TRIM46: variants seen among roughly 807,000 people sequenced by gnomAD.
TRIM46 encodes the protein tripartite motif-containing protein 46.
TRIM46 carries 17 observed loss-of-function variants against 69.7 expected under a neutral mutation model. That is an observed-to-expected ratio of 0.24 (90% CI 0.17 to 0.37). TRIM46 has a LOEUF of 0.37. Ranked by LOEUF, TRIM46 falls within the 10% of genes least tolerant of loss-of-function variation. TRIM46 has a pLI of 1.00. For missense variants in TRIM46, 675 were observed against 1,025.1 expected (o/e 0.66, Z 4.66); for synonymous variants, 391 against 429.0 (o/e 0.91, Z 1.09).
In TRIM46 at chr1:155,184,306, C is replaced by T; in HGVS notation, c.*116C>T. Reference sequence around the variant, plus strand: ...TCCCCCAAACTCTCCTACCATGTGGCCCTGCTCCTTCTCCCGTGTCTGTCT... The same window carrying T: ...TCCCCCAAACTCTCCTACCATGTGGTCCTGCTCCTTCTCCCGTGTCTGTCT... On this transcript the variant is annotated 3_prime_UTR_variant, in exon 10 of 10. Coordinates refer to ENST00000334634, the MANE Select transcript of TRIM46 (RefSeq NM_025058.5). This position sits in a 1 kb window ranked among gnomAD's most constrained non-coding sequence, Gnocchi z 5.6. 8.8e-7 allele frequency: 1 copy of T among 1,133,460 alleles called. No individual in the cohort carries two copies. Among genetic ancestry groups the T allele is most frequent in the Non-Finnish European group, 1.2e-6 (1 of 823,296 alleles). The allele number at this position is 1,133,460 out of a possible 1,614,324, so 70.2% of individuals were successfully genotyped here.
rs775737797 is a variant in TRIM46, at chr1:155,180,318, C to T, written c.1588+384C>T. The T allele has an allele frequency of 6.5e-4, 205 of 314,684 alleles. 1 individual carries two copies. The highest frequency in any genetic ancestry group is 8.9e-4 in the Non-Finnish European group (154 of 173,082). 19.5% of individuals were successfully genotyped at this position (314,684 alleles called of 1,614,324 possible). ...CCGATCTCTAAAAAAATAAATAGGCCAGGCGAGGTAGCTCATGCCTGTAAT... is the reference window on the plus strand; with the variant it reads ...CCGATCTCTAAAAAAATAAATAGGCTAGGCGAGGTAGCTCATGCCTGTAAT... On this transcript the variant is annotated intron_variant, in intron 8 of 9. Transcript: ENST00000334634.
intron 8 of TRIM46, chr1:155,180,294 C>T (rs1013231646): frequency 5.7e-5 from 19 of 334,800 alleles, no homozygotes; most frequent in Non-Finnish European, 8.1e-5. Context: ...CAGCGAGACC[C>T]GATCTCTAAA....
At chr1:155,174,780 C>T (rs1272094571) in intron 1 of TRIM46, 1 of 1,449,376 alleles carries the variant, frequency 6.9e-7, no homozygotes, top group Non-Finnish European at 9.1e-7. Context: ...TGCCGCTGAC[C>T]GGGTTGCGCT....
chr1:155,180,510 G>A (rs1409875391), intron 8 of TRIM46: 7 of 387,666 alleles, frequency 1.8e-5, no homozygotes, highest in Admixed American at 1.3e-4. Flanking sequence ...TAGGAGAATC[G>A]CTTGAACCTG....
At position 155,181,784 on chromosome 1, in the gene TRIM46, C is replaced by A. The variant is rs1666190678; in HGVS notation, c.1589-68C>A. 2 of 1,539,944 alleles carry A rather than the reference C, an allele frequency of 1.3e-6. No homozygotes were observed. The highest frequency in any genetic ancestry group is 2.5e-5 in the South Asian group (2 of 80,608). On this transcript the variant is annotated intron_variant, in intron 8 of 9. Transcript: ENST00000334634. This position sits in a 1 kb window ranked among gnomAD's most constrained non-coding sequence, Gnocchi z 4.3. ...CAACGCGTTCCCTGTTCTGCAGTCTCACAGCCCCCAGTGCCAGTGTTTGTC... is the reference window on the plus strand; with the variant it reads ...CAACGCGTTCCCTGTTCTGCAGTCTAACAGCCCCCAGTGCCAGTGTTTGTC...
At chr1:155,178,739 T>TTGGGGC in intron 7 of TRIM46, 126 bp downstream of exon 7, 17 of 1,348,406 alleles carry the variant, frequency 1.3e-5, no homozygotes, top group East Asian at 2.5e-5. Context: ...CAGCCATTCC[T>TTGGGGC]CCCACCCAGC....
rs1473778250 is a variant in TRIM46, at chr1:155,184,419, C to G, written c.*229C>G. ...CTCTCCATTGCTTGTTAGCCAGGCC[C>G]CCACCCCCACTGAGTCTGCCCTATG... On this transcript the variant is annotated 3_prime_UTR_variant, in exon 10 of 10. Coordinates refer to ENST00000334634, the MANE Select transcript of TRIM46 (RefSeq NM_025058.5). This position sits in a 1 kb window ranked among gnomAD's most constrained non-coding sequence, Gnocchi z 5.6. 3.6e-6 allele frequency: 2 copies of G among 559,764 alleles called. No individual in the cohort carries two copies. Among genetic ancestry groups the G allele is most frequent in the East Asian group, 6.2e-5 (2 of 32,462 alleles). 34.7% of individuals were successfully genotyped at this position (559,764 alleles called of 1,614,324 possible).
intron 8 of TRIM46, 136 bp downstream of exon 8, chr1:155,180,070 A>T: frequency 4.8e-6 from 5 of 1,047,368 alleles, no homozygotes; most frequent in Non-Finnish European, 6.7e-6. Flanking sequence ...CTGGAGCTAG[A>T]CTGCTTGGGT....
chr1:155,178,939 C>T (rs1212287540), intron 7 of TRIM46: 9 of 934,562 alleles, frequency 9.6e-6, no homozygotes, highest in Non-Finnish European at 1.4e-5. Context: ...CCACTCATTG[C>T]TTCCTTCTCT....
chr1:155,182,296 AGGCCTGTGTCCAGGAGAC>A, intron 9 of TRIM46, 147 bp downstream of exon 9: 12 of 944,290 alleles, frequency 1.3e-5, no homozygotes, highest in Non-Finnish European at 1.7e-5. Flanking sequence ...CCAGGCTGGG[AGGCCTGTGTCCAGGAGAC>A]GCATGGGCTC....
intron 9 of TRIM46, among the ~76,000 whole-genome samples, chr1:155,183,256 C>G: frequency 6.6e-6 from 1 of 152,054 alleles, no homozygotes; most frequent in East Asian, 1.9e-4. Context: ...GCATCCTAAG[C>G]CTTCTCCCCA....
intron 1 of TRIM46, 57 bp downstream of exon 1, chr1:155,174,086 C>G: frequency 6.6e-7 from 1 of 1,525,366 alleles, no homozygotes; most frequent in Non-Finnish European, 8.9e-7. Flanking sequence ...CTGGGGCAAG[C>G]TGGGACCTGG....
chr1:155,181,952 G>A lies in TRIM46; in HGVS notation c.1689G>A (p.Leu563=), dbSNP rs1345901406. Residue 563 remains leucine, a synonymous_variant, in exon 9 of 10, where the codon CTG becomes CTA. Coordinates refer to ENST00000334634, the MANE Select transcript of TRIM46 (RefSeq NM_025058.5). The surrounding 1 kb of genome is among the most constrained non-coding windows in gnomAD (Gnocchi z 4.3). ...TACGGAGTGTTCCAGGGCTGCCCCT[G>A]CTGCTGGCTGCTGACCGGCTGCTGA... ...RAVRSVPGLP[L]LLAADRLLTG... The A allele has an allele frequency of 1.2e-6, 2 of 1,614,082 alleles. No homozygotes were observed. Among genetic ancestry groups the A allele is most frequent in the Middle Eastern group, 1.6e-4 (1 of 6,062 alleles).
chr1:155,181,835 C>A lies in TRIM46; in HGVS notation c.1589-17C>A, dbSNP rs1185225048. 1.3e-6 allele frequency: 2 copies of A among 1,599,118 alleles called. No individual in the cohort carries two copies. Among genetic ancestry groups the A allele is most frequent in the Admixed American group, 3.4e-5 (2 of 59,566 alleles). ...CCTGAAGTTCTTGCTCCATCTCAAC[C>A]CTCTCCCTCCTTCCAGTCCTGCACT... On this transcript the variant is annotated splice_polypyrimidine_tract_variant and intron_variant, in intron 8 of 9. Coordinates refer to ENST00000334634, the MANE Select transcript of TRIM46 (RefSeq NM_025058.5). This position sits in a 1 kb window ranked among gnomAD's most constrained non-coding sequence, Gnocchi z 4.3.
At position 155,173,983 on chromosome 1, in the gene TRIM46, A is replaced by T; in HGVS notation, c.17A>T (p.Asp6Val). The T allele has an allele frequency of 6.3e-7, 1 of 1,575,118 alleles. No individual in the cohort carries two copies. The highest frequency in any genetic ancestry group is 8.6e-7 in the Non-Finnish European group (1 of 1,161,350). The change falls in exon 1 of 10, where the codon GAT becomes GTT. Residue 6 changes from aspartate to valine, a missense_variant. This residue lies in a region of TRIM46 where 170 missense variants were observed against 255.6 expected (regional missense o/e 0.67). Transcript: ENST00000334634. ...GGTAGGGCCATGGCAGAGGGTGAGG[A>T]TATGCAGACCTTCACTTCCATCATG... MAEGEDMQTFTSIMDA... is the reference protein window; with the variant it reads MAEGEVMQTFTSIMDA...
In TRIM46 at chr1:155,177,306, G is replaced by A; in HGVS notation, c.909+16G>A. 2 of 1,611,054 alleles carry A rather than the reference G, an allele frequency of 1.2e-6. No individual in the cohort carries two copies. The highest frequency in any genetic ancestry group is 1.7e-6 in the Non-Finnish European group (2 of 1,177,262). The stretch of plus-strand genomic sequence containing the variant: ...GCACACCGAGGTGAGGGAGGGCACA[G>A]AGGTAGGCCCTGGGCCCTGCCTGGG... On this transcript the variant is annotated intron_variant, in intron 5 of 9. Coordinates refer to ENST00000334634, the MANE Select transcript of TRIM46 (RefSeq NM_025058.5).
chr1:155,174,695 G>A (rs1571727178), intron 1 of TRIM46: 2 of 1,448,480 alleles, frequency 1.4e-6, no homozygotes, highest in South Asian at 1.4e-5. Context: ...GCCACCAAGA[G>A]GGGGAGGGGA....
intron 9 of TRIM46, chr1:155,182,432 G>A: frequency 1.8e-6 from 1 of 563,962 alleles, no homozygotes; most frequent in Non-Finnish European, 3.1e-6. Context: ...CTGTCACTCT[G>A]GATCAACACA....
In TRIM46 at chr1:155,175,640, T is replaced by C. The variant is rs377251051; in HGVS notation, c.318T>C (p.Leu106=). ...LPKPDRLDRL[L]KSGFGTYPGR... ...AGCCAGACCGCCTGGACCGGCTGCT[T>C]AAGTCAGGTGGGACTGGGGCCTGTA... The change falls in exon 2 of 10, where the codon CTT becomes CTC. Residue 106 remains leucine, a synonymous_variant. Coordinates refer to ENST00000334634, the MANE Select transcript of TRIM46 (RefSeq NM_025058.5). The surrounding 1 kb of genome is among the most constrained non-coding windows in gnomAD (Gnocchi z 4.2). 12 of 1,613,550 alleles carry C rather than the reference T, an allele frequency of 7.4e-6. No individual in the cohort carries two copies. In the African/African-American group the frequency reaches 1.6e-4, roughly 22 times the overall value.
Sources: gnomAD v4.1 joint callset for allele counts (sites outside exome capture counted in the v4.1 genomes callset) on GRCh38, gnomAD v4.1.1 for gene constraint, gnomAD v4.1.1 regional missense constraint, Gnocchi (gnomAD v3.1) non-coding constraint, MANE v1.5 for transcripts, NCBI Gene and HGNC (gene_info 2026-07-23, HGNC 2026-07-21) for gene names.